CDK14: variants seen among roughly 807,000 people sequenced by gnomAD.
CDK14 encodes cyclin dependent kinase 14, also known as cyclin-dependent kinase 14.
Under a neutral mutation model 60.7 loss-of-function variants are expected in CDK14, and 34 were observed. The ratio of observed to expected loss-of-function variants is 0.56; its 90% CI spans 0.43 to 0.75. CDK14 has a LOEUF of 0.75. CDK14 is among the 30% of genes least tolerant of loss of function. CDK14 has a pLI of 0.00. For missense variants in CDK14, 482 were observed against 564.1 expected (o/e 0.85, Z 1.47); for synonymous variants, 197 against 203.7 (o/e 0.97, Z 0.28).
intron 10 of CDK14, among the ~76,000 whole-genome samples, chr7:91,043,877 C>A (rs1381326823): frequency 1.3e-5 from 2 of 152,182 alleles, no homozygotes; most frequent in Non-Finnish European, 2.9e-5. Flanking sequence ...GAGTTTGGCA[C>A]TTACTGTATA....
chr7:91,128,552 G>T (rs1438106796), intron 14 of CDK14, among the ~76,000 whole-genome samples: 1 of 152,040 alleles, frequency 6.6e-6, no homozygotes, highest in Non-Finnish European at 1.5e-5. Context: ...ATAACTGACA[G>T]ATTTATTAGA....
intron 14 of CDK14, among the ~76,000 whole-genome samples, chr7:91,133,726 TAA>T (rs1800182612): frequency 6.6e-6 from 1 of 152,150 alleles, no homozygotes; most frequent in Non-Finnish European, 1.5e-5. Flanking sequence ...GAAAGTTAGT[TAA>T]TTTACATTTT....
rs995093257 is a variant in CDK14 at position 91,112,399 on chromosome 7, A to G, written c.1155-143A>G. The G allele has an allele frequency of 3.7e-6, 3 of 815,382 alleles. No homozygotes were observed. In the African/African-American group the frequency reaches 5.1e-5, roughly 14 times the overall value. 50.5% of individuals were successfully genotyped at this position (815,382 alleles called of 1,614,324 possible). On this transcript the variant is annotated intron_variant, in intron 12 of 14. Transcript: ENST00000380050. ...ACAAATACTCTGAGAACCAACATGC[A>G]TTTTGCTTCTGTTTATTTCAGCAGG... is the stretch of plus-strand genomic sequence containing the variant.
intron 4 of CDK14, among the ~76,000 whole-genome samples, chr7:90,767,519 A>G (rs1351814460): frequency 3.9e-5 from 6 of 152,152 alleles, no homozygotes; most frequent in East Asian, 3.9e-4. Context: ...AGGTGCCTGC[A>G]TGAAATAGAG....
chr7:90,732,450 G>T (rs1054273058), intron 3 of CDK14, among the ~76,000 whole-genome samples: 1 of 152,136 alleles, frequency 6.6e-6, no homozygotes, highest in Non-Finnish European at 1.5e-5. Flanking sequence ...GTAGAATTCG[G>T]CTGTGAATCC....
intron 11 of CDK14, among the ~76,000 whole-genome samples, chr7:91,069,537 AAAATTT>A (rs1479456115): frequency 2.0e-5 from 3 of 152,132 alleles, no homozygotes; most frequent in Non-Finnish European, 2.9e-5. Flanking sequence ...CATCTCTAAA[AAAATTT>A]AAATTTAAAT....
intron 5 of CDK14, among the ~76,000 whole-genome samples, chr7:90,855,466 A>G (rs1005673707): frequency 6.6e-6 from 1 of 152,208 alleles, no homozygotes; most frequent in Non-Finnish European, 1.5e-5. Flanking sequence ...TAAAAGCAAT[A>G]TATCTTTATC....
chr7:90,602,519 A>G (rs1799337946), intron 1 of CDK14, among the ~76,000 whole-genome samples: 1 of 152,210 alleles, frequency 6.6e-6, no homozygotes, highest in Non-Finnish European at 1.5e-5. Flanking sequence ...CAGTATGGTA[A>G]TATTGTTGAC....
chr7:90,954,105 A>G (rs1794337493), intron 8 of CDK14, among the ~76,000 whole-genome samples: 1 of 152,182 alleles, frequency 6.6e-6, no homozygotes, highest in Admixed American at 6.6e-5. Flanking sequence ...TGTAAATATC[A>G]ACCAATTTAT....
At chr7:90,634,652 A>G (rs1224954226) in intron 2 of CDK14, among the ~76,000 whole-genome samples, 6 of 152,036 alleles carry the variant, frequency 3.9e-5, no homozygotes, top group Non-Finnish European at 8.8e-5. Flanking sequence ...ATACCCAGTA[A>G]TGGGATGGCT....
chr7:90,951,813 G>A (rs746109593), intron 8 of CDK14, among the ~76,000 whole-genome samples: 12 of 152,152 alleles, frequency 7.9e-5, no homozygotes, highest in Admixed American at 1.3e-4. Flanking sequence ...TCTGGCTGGA[G>A]TTATATTGAG....
chr7:90,899,262 A>G, intron 6 of CDK14, 29 bp from the exon 7 acceptor site: 1 of 1,539,712 alleles, frequency 6.5e-7, no homozygotes, highest in Non-Finnish European at 8.9e-7. Flanking sequence ...CCAGAGGGTT[A>G]TTAATACATT....
intron 4 of CDK14, among the ~76,000 whole-genome samples, chr7:90,757,145 T>C (rs1804095443): frequency 1.3e-5 from 2 of 151,838 alleles, no homozygotes; most frequent in Admixed American, 1.3e-4. Context: ...GCTGGCAATT[T>C]TGGGCATTCC....
At chr7:90,930,875 TA>T (rs938742291) in intron 8 of CDK14, among the ~76,000 whole-genome samples, 10 of 152,198 alleles carry the variant, frequency 6.6e-5, no homozygotes, top group Admixed American at 2.6e-4. Flanking sequence ...TAGCTTTATT[TA>T]GGCATTAGAA....
chr7:90,723,735 G>A (rs1326218810), intron 2 of CDK14, among the ~76,000 whole-genome samples: 1 of 152,162 alleles, frequency 6.6e-6, no homozygotes, highest in Non-Finnish European at 1.5e-5. Context: ...TTAAAATGGT[G>A]AATTACAGAT....
intron 12 of CDK14, among the ~76,000 whole-genome samples, chr7:91,080,811 A>G (rs1485820149): frequency 6.6e-6 from 1 of 152,238 alleles, no homozygotes; most frequent in Non-Finnish European, 1.5e-5. Flanking sequence ...GGAAAATCTG[A>G]AACTATCATA....
intron 9 of CDK14, among the ~76,000 whole-genome samples, chr7:90,958,311 G>A (rs946221699): frequency 2.6e-5 from 4 of 152,194 alleles, no homozygotes; most frequent in African/African-American, 4.8e-5. Flanking sequence ...ACATGAGAAC[G>A]TATTTATTTT....
intron 10 of CDK14, among the ~76,000 whole-genome samples, chr7:90,986,482 T>C (rs923855335): frequency 6.6e-6 from 1 of 152,070 alleles, no homozygotes; most frequent in African/African-American, 2.4e-5. Context: ...TAATACAAAA[T>C]TGTACTTTCC....
chr7:90,780,765 G>T (rs1179266453), intron 4 of CDK14, among the ~76,000 whole-genome samples: 1 of 151,910 alleles, frequency 6.6e-6, no homozygotes, highest in Non-Finnish European at 1.5e-5. Context: ...GTATTCCATG[G>T]TGTATATGTG....
Sources: gnomAD v4.1 joint callset for allele counts (sites outside exome capture counted in the v4.1 genomes callset) on GRCh38, gnomAD v4.1.1 for gene constraint, MANE v1.5 for transcripts, NCBI Gene and HGNC (gene_info 2026-07-23, HGNC 2026-07-21) for gene names.